TNS1: variants seen among roughly 807,000 people sequenced by gnomAD.
TNS1 encodes the protein tensin-1.
Under a neutral mutation model 168.6 loss-of-function variants are expected in TNS1, and 62 were observed. The ratio of observed to expected loss-of-function variants is 0.37; its 90% confidence interval spans 0.30 to 0.45. The LOEUF is 0.45. Among genes scored for constraint, TNS1 ranks in the 20% least tolerant of loss-of-function variants. The pLI is 1.00. For missense variants in TNS1, 2,240 were observed against 2,339.4 expected (o/e 0.96, Z 0.88); for synonymous variants, 934 against 933.2 (o/e 1.00, Z -0.02).
intron 19 of TNS1, among the ~76,000 whole-genome samples, chr2:217,838,710 G>A (rs933550207): frequency 3.3e-5 from 5 of 152,184 alleles, no homozygotes; most frequent in Admixed American, 6.5e-5. Context: ...GCCCAGATCC[G>A]CCTGGAGTGC....
chr2:217,805,966 CA>C (rs1938960850), intron 32 of TNS1, among the ~76,000 whole-genome samples: 2 of 152,006 alleles, frequency 1.3e-5, no homozygotes, highest in African/African-American at 2.4e-5. Context: ...GGGCCAGGAG[CA>C]ACAGGGCCAA....
At chr2:217,907,795 C>A (rs4674225) in intron 4 of TNS1, among the ~76,000 whole-genome samples, 69,840 of 152,000 alleles carry the variant, frequency 0.46, 17,071 homozygotes, top group African/African-American at 0.64. Flanking sequence ...ACCACTGGGC[C>A]TCACACACCT....
At chr2:217,809,546 T>C (rs1574554923) in intron 30 of TNS1, among the ~76,000 whole-genome samples, 2 of 90,580 alleles carry the variant, frequency 2.2e-5, no homozygotes, top group Non-Finnish European at 4.4e-5. Flanking sequence ...GATGCATGGA[T>C]GGATGGATGG....
upstream of TNS1, among the ~76,000 whole-genome samples, chr2:218,004,376 C>G (rs530805557): frequency 6.0e-4 from 92 of 152,312 alleles, 1 homozygote; most frequent in Admixed American, 1.3e-3. Flanking sequence ...CCTCCCCCCC[C>G]CACTCACCCA....
At chr2:217,903,701 T>A in intron 6 of TNS1, 1 of 1,121,374 alleles carries the variant, frequency 8.9e-7, no homozygotes, top group East Asian at 2.6e-5. Context: ...GTCAGGAATT[T>A]CCTCCTGGTA....
At chr2:218,013,461 G>T (rs750358217), upstream of TNS1, among the ~76,000 whole-genome samples, 23 of 152,098 alleles carry the variant, frequency 1.5e-4, no homozygotes, top group Admixed American at 2.6e-4. Flanking sequence ...CTGCCCTGGG[G>T]GCCTCATGCC....
chr2:217,973,845 G>A (rs1957828795), intron 3 of TNS1, among the ~76,000 whole-genome samples: 1 of 151,282 alleles, frequency 6.6e-6, no homozygotes, highest in Non-Finnish European at 1.5e-5. Context: ...GTTCATAGCA[G>A]GTCTGCTCCT....
At chr2:217,890,878 C>T in intron 12 of TNS1, 84 bp downstream of exon 12, 1 of 1,432,448 alleles carries the variant, frequency 7.0e-7, no homozygotes, top group Non-Finnish European at 9.8e-7. Context: ...ACAGCTATCC[C>T]ATCCCTGTGA....
chr2:217,937,021 A>T, intron 3 of TNS1: 1 of 456,812 alleles, frequency 2.2e-6, no homozygotes, highest in South Asian at 1.5e-5. Context: ...GTGCCTGAAG[A>T]AGTCTTTGCC....
chr2:218,008,784 A>C (rs182611620), intron 1 of TNS1, among the ~76,000 whole-genome samples: 1 of 152,222 alleles, frequency 6.6e-6, no homozygotes, highest in Non-Finnish European at 1.5e-5. Context: ...GATGGCAAGC[A>C]TGGATACTGG....
chr2:217,814,785 C>T (rs1941605985), intron 25 of TNS1, 127 bp downstream of exon 25: 2 of 718,412 alleles, frequency 2.8e-6, no homozygotes, highest in South Asian at 3.5e-5. Flanking sequence ...AGCTTCAACC[C>T]CAGCCCCCTC....
intron 22 of TNS1, among the ~76,000 whole-genome samples, chr2:217,822,739 G>A (rs971215380): frequency 6.6e-6 from 1 of 152,214 alleles, no homozygotes; most frequent in Non-Finnish European, 1.5e-5. Flanking sequence ...AAGGATGGAT[G>A]CTGAGGCCCG....
At chr2:217,921,334 G>A (rs547271816) in intron 3 of TNS1, among the ~76,000 whole-genome samples, 1 of 152,274 alleles carries the variant, frequency 6.6e-6, no homozygotes, top group Admixed American at 6.5e-5. Context: ...AGAGGGGGTA[G>A]CTGCCTCCCC....
rs1945920128 is a variant in TNS1, at chr2:217,841,286, CTGCCCA to C, written c.3008-5081_3008-5076del. On this transcript the variant is annotated intron_variant, in intron 19 of 32. Transcript: ENST00000682258. ...ATGCCCTGCAGCCTGGCGTTGTACG[CTGCCCA>C]CCCCCCACCCCAGGGGAGCCAGCAG... 3 of 984,846 alleles carry C rather than the reference CTGCCCA, an allele frequency of 3.0e-6. No homozygotes were observed. In the African/African-American group the frequency reaches 5.3e-5, roughly 17 times the overall value. The allele number at this position is 984,846 out of a possible 1,614,324, so 61.0% of individuals were successfully genotyped here.
At chr2:218,027,672 G>C (rs949225802) in intron 1 of TNS1, among the ~76,000 whole-genome samples, 1 of 152,196 alleles carries the variant, frequency 6.6e-6, no homozygotes, top group South Asian at 2.1e-4. Flanking sequence ...TTGGGGTAGA[G>C]ATGTCATGTG....
chr2:218,014,809 C>T (rs1409028939), upstream of TNS1, among the ~76,000 whole-genome samples: 1 of 151,546 alleles, frequency 6.6e-6, no homozygotes, highest in East Asian at 1.9e-4. Flanking sequence ...ATGGTACCTG[C>T]AGGTGGCCCA....
At chr2:218,012,399 A>C (rs1574480855), upstream of TNS1, among the ~76,000 whole-genome samples, 1 of 152,198 alleles carries the variant, frequency 6.6e-6, no homozygotes, top group Non-Finnish European at 1.5e-5. Flanking sequence ...GAAGGAAAGA[A>C]GAGTGAGCTG....
At chr2:217,951,385 C>T (rs1437054236) in intron 3 of TNS1, among the ~76,000 whole-genome samples, 1 of 152,196 alleles carries the variant, frequency 6.6e-6, no homozygotes, top group Non-Finnish European at 1.5e-5. Context: ...TGAGTGTTTC[C>T]CAATTGACAT....
At position 218,027,065 on chromosome 2, in the gene TNS1, A is replaced by G. The variant is rs913439031; in HGVS notation, c.156+6755T>C. Among the ~76,000 whole-genome samples, 8 of 151,852 alleles carry G rather than the reference A, an allele frequency of 5.3e-5. No homozygotes were observed. The East Asian group carries it at 1.2e-3, about 22-fold the overall frequency. On this transcript the variant is annotated intron_variant, in intron 1 of 1. Transcript: ENST00000649572. ...GCTTCTGGGGGCCCACGAAGGGAGG[A>G]GAGACTTTACGGCAAACACAATACC...
Sources: allele counts gnomAD v4.1 joint callset (sites outside exome capture counted in the v4.1 genomes callset), GRCh38; gene constraint gnomAD v4.1.1; transcripts MANE v1.5; gene names NCBI Gene and HGNC (gene_info 2026-07-23, HGNC 2026-07-21).